The following GLCE variants were observed in gnomAD, a reference collection of about 807,000 sequenced individuals.
The protein encoded by GLCE is glucuronic acid epimerase.
A neutral mutation model predicts 47.9 loss-of-function variants in GLCE; 19 were observed. The ratio of observed to expected loss-of-function variants is 0.40; its 90% CI spans 0.28 to 0.58. The LOEUF is 0.58. GLCE is among the 20% of genes least tolerant of loss of function. GLCE has a pLI of 0.48. For missense variants in GLCE, 556 were observed against 743.3 expected (o/e 0.75, Z 2.93); for synonymous variants, 245 against 263.4 (o/e 0.93, Z 0.68).
intron 1 of GLCE, among the ~76,000 whole-genome samples, chr15:69,203,327 A>G (rs2052101875): frequency 6.6e-6 from 1 of 152,122 alleles, no homozygotes; most frequent in African/African-American, 2.4e-5. Flanking sequence ...AGTGACTTAA[A>G]CACACGCAAT....
At chr15:69,208,676 T>C (rs139011238) in intron 1 of GLCE, among the ~76,000 whole-genome samples, 12 of 152,200 alleles carry the variant, frequency 7.9e-5, no homozygotes, top group African/African-American at 2.9e-4. Context: ...GGAATTTTGA[T>C]TGGAGTTGCA....
chr15:69,204,196 C>G (rs890919205), intron 1 of GLCE, among the ~76,000 whole-genome samples: 7 of 151,500 alleles, frequency 4.6e-5, no homozygotes, highest in Non-Finnish European at 8.8e-5. Context: ...TGTTTTCCAG[C>G]TTGCATTCCT....
At chr15:69,195,540 A>T (rs1454430864) in intron 1 of GLCE, among the ~76,000 whole-genome samples, 1 of 152,104 alleles carries the variant, frequency 6.6e-6, no homozygotes, top group Admixed American at 6.6e-5. Context: ...ATTTTGTGAC[A>T]TATTGTATGT....
intron 3 of GLCE, among the ~76,000 whole-genome samples, chr15:69,257,348 CT>C (rs1237314269): frequency 6.6e-6 from 1 of 151,838 alleles, no homozygotes; most frequent in Non-Finnish European, 1.5e-5. Context: ...ATCTTTTTCT[CT>C]TATTTTGAGA....
chr15:69,182,464 A>T (rs1010062079), intron 1 of GLCE, among the ~76,000 whole-genome samples: 7 of 152,174 alleles, frequency 4.6e-5, no homozygotes, highest in Non-Finnish European at 1.0e-4. Flanking sequence ...AGAAAATTGC[A>T]TTGGTAACAA....
intron 2 of GLCE, among the ~76,000 whole-genome samples, chr15:69,242,407 C>A (rs567379290): frequency 9.9e-5 from 15 of 151,742 alleles, no homozygotes; most frequent in Non-Finnish European, 1.8e-4. Context: ...TATTTGAGAG[C>A]GGAAATCGTT....
At chr15:69,241,590 C>T (rs906670957) in intron 2 of GLCE, among the ~76,000 whole-genome samples, 5 of 152,158 alleles carry the variant, frequency 3.3e-5, no homozygotes, top group African/African-American at 9.7e-5. Context: ...TAAGATAGTT[C>T]TGAGTTTGGG....
At chr15:69,215,539 G>GGGGTGT (rs113476074) in intron 2 of GLCE, among the ~76,000 whole-genome samples, 7 of 149,016 alleles carry the variant, frequency 4.7e-5, no homozygotes, top group African/African-American at 1.7e-4. Context: ...TTACATAAAG[G>GGGGTGT]GTGTGTGTGT....
intron 2 of GLCE, among the ~76,000 whole-genome samples, chr15:69,214,141 G>C (rs1260731256): frequency 6.6e-6 from 1 of 152,006 alleles, no homozygotes; most frequent in Non-Finnish European, 1.5e-5. Flanking sequence ...ACTTATTGGA[G>C]AATAGTATTT....
At chr15:69,174,105 G>A (rs1311882537) in intron 1 of GLCE, among the ~76,000 whole-genome samples, 2 of 152,174 alleles carry the variant, frequency 1.3e-5, no homozygotes, top group Non-Finnish European at 2.9e-5. Context: ...TGATCCACCT[G>A]CCTTGGCCTC....
rs117647084 is a variant in GLCE, at chr15:69,170,191, C to T, written c.-105+9434C>T. On this transcript the variant is annotated intron_variant, in intron 1 of 4. Transcript: ENST00000261858. ...ATTTGCAATTTGATAAGCAAAATAT[C>T]TTACTTAATTTGTATTTCTTTGGTT... 5.8e-3 allele frequency among the ~76,000 whole-genome samples: 882 copies of T among 152,168 alleles called. 5 individuals are homozygous for T. Among genetic ancestry groups the T allele is most frequent in the Middle Eastern group, 0.01 (3 of 294 alleles).
intron 1 of GLCE, among the ~76,000 whole-genome samples, chr15:69,164,859 G>T (rs2051479789): frequency 6.6e-6 from 1 of 152,074 alleles, no homozygotes; most frequent in South Asian, 2.1e-4. Context: ...TTCTGTAGTA[G>T]ATTATCTATA....
At chr15:69,195,545 G>A (rs557857156) in intron 1 of GLCE, among the ~76,000 whole-genome samples, 1 of 152,130 alleles carries the variant, frequency 6.6e-6, no homozygotes, top group African/African-American at 2.4e-5. Flanking sequence ...GTGACATATT[G>A]TATGTGGATT....
chr15:69,170,812 T>A (rs2051578364), intron 1 of GLCE, among the ~76,000 whole-genome samples: 1 of 152,226 alleles, frequency 6.6e-6, no homozygotes, highest in African/African-American at 2.4e-5. Flanking sequence ...TATTATTGAA[T>A]CAGTTCTTTG....
chr15:69,200,618 C>A (rs2052064717), intron 1 of GLCE, among the ~76,000 whole-genome samples: 1 of 152,042 alleles, frequency 6.6e-6, no homozygotes, highest in South Asian at 2.1e-4. Flanking sequence ...AGATTATGAT[C>A]AGATCAAAGC....
intron 1 of GLCE, among the ~76,000 whole-genome samples, chr15:69,166,530 A>G (rs975536015): frequency 6.6e-6 from 1 of 152,200 alleles, no homozygotes; most frequent in African/African-American, 2.4e-5. Flanking sequence ...GGAAGCACAC[A>G]TGCAAGAGTG....
At chr15:69,219,008 A>G (rs796906037) in intron 2 of GLCE, among the ~76,000 whole-genome samples, 15 of 152,276 alleles carry the variant, frequency 9.9e-5, no homozygotes, top group African/African-American at 3.6e-4. Context: ...AACTCATTTT[A>G]TTGTAGATCA....
At chr15:69,162,316 TAAAA>T (rs57157001) in intron 1 of GLCE, among the ~76,000 whole-genome samples, 1 of 146,980 alleles carries the variant, frequency 6.8e-6, no homozygotes, top group South Asian at 2.2e-4. Flanking sequence ...GTGTATTGGT[TAAAA>T]AAAAAAACAG....
At chr15:69,221,596 C>T (rs968297032) in intron 2 of GLCE, among the ~76,000 whole-genome samples, 4 of 151,912 alleles carry the variant, frequency 2.6e-5, no homozygotes, top group Non-Finnish European at 2.9e-5. Context: ...GGCACGGTGG[C>T]TCATGCCTAT....
Sources: gnomAD v4.1 joint callset for allele counts (sites outside exome capture counted in the v4.1 genomes callset) on GRCh38, gnomAD v4.1.1 for gene constraint, MANE v1.5 for transcripts, NCBI Gene and HGNC (gene_info 2026-07-23, HGNC 2026-07-21) for gene names.